Variants in GJA5 observed in about 807,000 individuals in gnomAD.
The protein encoded by GJA5 is gap junction protein alpha 5.
Under a neutral mutation model 7.9 loss-of-function variants are expected in GJA5, and 3 were observed. That is an observed-to-expected ratio of 0.38 (90% CI 0.17 to 0.99). GJA5 has a LOEUF of 0.99. Ranked by LOEUF, GJA5 falls within the 50% of genes least tolerant of loss-of-function variation. The pLI is 0.38. For missense variants in GJA5, 390 were observed against 457.9 expected, an observed-to-expected ratio of 0.85 and a Z score of 1.35; for synonymous variants, 193 against 181.0, an observed-to-expected ratio of 1.07 and a Z score of -0.53.
chr1:147,772,693 G>A (rs587755147), intron 1 of GJA5, among the ~76,000 whole-genome samples: 9 of 150,818 alleles, frequency 6.0e-5, no homozygotes, highest in Admixed American at 5.3e-4. Context: ...GTGGCAGCCT[G>A]GATCTCTCAC....
At chr1:147,763,813 C>CT (rs1372820360), upstream of GJA5, among the ~76,000 whole-genome samples, 152,116 of 152,130 alleles carry the variant, frequency 1, 76,051 homozygotes, top group Middle Eastern at 1. Flanking sequence ...TCCAGTGCTT[C>CT]TTTTTTTCTT....
At chr1:147,762,674 G>A (rs1371070029), upstream of GJA5, among the ~76,000 whole-genome samples, 1 of 152,148 alleles carries the variant, frequency 6.6e-6, no homozygotes, top group African/African-American at 2.4e-5. Flanking sequence ...TCCTGCTGAC[G>A]CTCAGGCAAG....
intron 1 of GJA5, among the ~76,000 whole-genome samples, chr1:147,772,750 G>A (rs1249626563): frequency 1.4e-5 from 2 of 140,814 alleles, no homozygotes; most frequent in Non-Finnish European, 3.0e-5. Context: ...AGGAAACTAA[G>A]CAGGGAATAT....
intron 1 of GJA5, among the ~76,000 whole-genome samples, chr1:147,771,766 G>A (rs1664410919): frequency 1.3e-5 from 2 of 152,206 alleles, no homozygotes; most frequent in African/African-American, 4.8e-5. Flanking sequence ...TCTGCAGACT[G>A]TGGTCATTGG....
intron 1 of GJA5, among the ~76,000 whole-genome samples, chr1:147,768,652 G>T (rs587680699): frequency 6.6e-6 from 1 of 152,156 alleles, no homozygotes; most frequent in Admixed American, 6.5e-5. Context: ...AGATGACAAG[G>T]GTCCAAGGAA....
upstream of GJA5, among the ~76,000 whole-genome samples, chr1:147,762,875 A>G (rs1213399936): frequency 6.6e-6 from 1 of 152,210 alleles, no homozygotes; most frequent in African/African-American, 2.4e-5. Flanking sequence ...GTAGATTATT[A>G]TCTGCTTCTT....
rs1663821317 is a variant in GJA5 at position 147,758,283 on chromosome 1, T to A, written c.956A>T (p.Gln319Leu). 6.2e-7 allele frequency: 1 copy of A among 1,614,160 alleles called. No individual in the cohort carries two copies. Among genetic ancestry groups the A allele is most frequent in the Non-Finnish European group, 8.5e-7 (1 of 1,179,988 alleles). Residue 319 changes from glutamine to leucine, a missense_variant, in exon 2 of 2, where the codon CAG becomes CTG. Coordinates refer to ENST00000579774, the MANE Select transcript of GJA5 (RefSeq NM_181703.4). ...GEGFIQVRYG[Q>L]KPEVPNGVSP... ...GACTCCATTGGGCACCTCAGGCTTCTGGCCATAACGAACCTGGATGAAACC... is the reference window on the plus strand; with the variant it reads ...GACTCCATTGGGCACCTCAGGCTTCAGGCCATAACGAACCTGGATGAAACC...
upstream of GJA5, among the ~76,000 whole-genome samples, chr1:147,763,738 T>C (rs1664100712): frequency 6.6e-6 from 1 of 152,246 alleles, no homozygotes; most frequent in African/African-American, 2.4e-5. Context: ...AATCATTTTA[T>C]GATTTTATTT....
At chr1:147,769,783 G>C (rs782248944) in intron 1 of GJA5, among the ~76,000 whole-genome samples, 1 of 151,980 alleles carries the variant, frequency 6.6e-6, no homozygotes, top group Non-Finnish European at 1.5e-5. Flanking sequence ...GTCAAGTCTG[G>C]AGAATCAGGG....
In GJA5 at chr1:147,759,003, AC is replaced by A. The variant is rs1553227061; in HGVS notation, c.235del (p.Val79CysfsTer80). The A allele has an allele frequency of 1.2e-6, 2 of 1,614,176 alleles. No homozygotes were observed. On this transcript the variant is annotated frameshift_variant, in exon 2 of 2. Transcript: ENST00000579774. LOFTEE classifies it high-confidence loss of function. The part of the protein sequence containing the change: ...AFPISHIRYW[V>X]LQIIFVSTPS... ...CGTGGAGACGAAGATGATCTGCAGCACCCAGTAGCGAATGTGGGAGATGGGG... is the reference window on the plus strand; with the variant it reads ...CGTGGAGACGAAGATGATCTGCAGCACCAGTAGCGAATGTGGGAGATGGGG...
At chr1:147,769,620 A>C (rs6670327) in intron 1 of GJA5, among the ~76,000 whole-genome samples, 53,690 of 152,010 alleles carry the variant, frequency 0.35, 10,044 homozygotes, top group Non-Finnish European at 0.41. Context: ...GCAGAATCTG[A>C]TAGTGCTTCA....
At chr1:147,762,779 C>G (rs1487637258), upstream of GJA5, among the ~76,000 whole-genome samples, 2 of 152,194 alleles carry the variant, frequency 1.3e-5, no homozygotes, top group Non-Finnish European at 2.9e-5. Flanking sequence ...TACGTTGGCT[C>G]CCTTTGGATA....
Position 147,758,629 on chromosome 1 carries a change from T to C in GJA5, c.610A>G (p.Lys204Glu), listed in dbSNP as rs1553226924. ...VNCYVSRPTEKNVFIVFMLAV... is the reference protein window; with the variant it reads ...VNCYVSRPTEENVFIVFMLAV... ...AGCATAAAGACAATGAAGACATTCTTCTCTGTGGGCCGGGATACGTAACAG... is the reference window on the plus strand; with the variant it reads ...AGCATAAAGACAATGAAGACATTCTCCTCTGTGGGCCGGGATACGTAACAG... Residue 204 changes from lysine (K) to glutamate (E), a missense_variant, in exon 2 of 2, where the codon AAG (lysine) becomes GAG (glutamate). Physicochemically the swap from Lys to Glu is moderately conservative, Grantham distance 56 (BLOSUM62 1). Coordinates refer to ENST00000579774, the MANE Select transcript of GJA5 (RefSeq NM_181703.4). The C allele has an allele frequency of 6.2e-7, 1 of 1,614,098 alleles. No individual in the cohort carries two copies. Among genetic ancestry groups the C allele is most frequent in the Admixed American group, 1.7e-5 (1 of 60,020 alleles).
At chr1:147,771,136 T>G (rs1410235338) in intron 1 of GJA5, among the ~76,000 whole-genome samples, 1 of 152,146 alleles carries the variant, frequency 6.6e-6, no homozygotes, top group African/African-American at 2.4e-5. Context: ...TCCCCTGTCC[T>G]AAGAGGTGGG....
intron 1 of GJA5, among the ~76,000 whole-genome samples, chr1:147,765,863 C>T (rs1360752676): frequency 6.6e-6 from 1 of 152,110 alleles, no homozygotes; most frequent in Admixed American, 6.5e-5. Flanking sequence ...GCTGCAGCAT[C>T]AACTAGGTAG....
chr1:147,759,663 G>A (rs1663911300), intron 1 of GJA5, among the ~76,000 whole-genome samples: 1 of 152,186 alleles, frequency 6.6e-6, no homozygotes, highest in African/African-American at 2.4e-5. Flanking sequence ...GACCGCACCT[G>A]GAGAAACACG....
chr1:147,765,214 A>G (rs587760591), upstream of GJA5, among the ~76,000 whole-genome samples: 7 of 152,340 alleles, frequency 4.6e-5, no homozygotes, highest in South Asian at 1.4e-3. Context: ...TACCTTCAGA[A>G]TGTTATAGAC....
rs1663816348 is a variant in GJA5, at chr1:147,758,214, C to T, written c.1025G>A (p.Arg342Gln). 11 of 1,614,100 alleles carry T rather than the reference C, an allele frequency of 6.8e-6. No individual in the cohort carries two copies. The highest frequency in any genetic ancestry group is 9.3e-6 in the Non-Finnish European group (11 of 1,180,006). ...CTTGCTGCTGGCCTTACTAAGACGT[C>T]GCTTGTCACTATGATAGCCATGGGG... ...RLPHGYHSDK[R>Q]RLSKASSKAR... Residue 342 changes from arginine to glutamine, a missense_variant, in exon 2 of 2, where the codon CGA becomes CAA. Transcript: ENST00000579774.
At chr1:147,761,732 T>C (rs587621405), upstream of GJA5, among the ~76,000 whole-genome samples, 1 of 152,362 alleles carries the variant, frequency 6.6e-6, no homozygotes, top group Admixed American at 6.5e-5. Flanking sequence ...CTGTCCTCTC[T>C]TCTGGGCACA....
Sources: allele counts gnomAD v4.1 joint callset (sites outside exome capture counted in the v4.1 genomes callset), GRCh38; gene constraint gnomAD v4.1.1; transcripts MANE v1.5; gene names NCBI Gene and HGNC (gene_info 2026-07-23, HGNC 2026-07-21).